Variants in GALNT7 observed in about 807,000 individuals in gnomAD.
GALNT7 encodes N-acetylgalactosaminyltransferase 7.
GALNT7 carries 60 observed loss-of-function variants against 82.1 expected under a neutral mutation model. The ratio of observed to expected loss-of-function variants is 0.73; its 90% CI spans 0.59 to 0.91. The LOEUF is 0.91. GALNT7 is among the 40% of genes least tolerant of loss of function. The pLI is 0.00. For missense variants in GALNT7, 660 were observed against 804.2 expected (o/e 0.82, Z 2.17); for synonymous variants, 243 against 275.1 (o/e 0.88, Z 1.15).
chr4:173,279,617 A>G (rs1340513959), intron 2 of GALNT7, among the ~76,000 whole-genome samples: 1 of 152,182 alleles, frequency 6.6e-6, no homozygotes, highest in Non-Finnish European at 1.5e-5. Flanking sequence ...ACTTCCTTTT[A>G]TGATGAAAAT....
intron 1 of GALNT7, among the ~76,000 whole-genome samples, chr4:173,231,445 G>T (rs1005623695): frequency 2.0e-5 from 3 of 152,120 alleles, no homozygotes; most frequent in Non-Finnish European, 4.4e-5. Flanking sequence ...GTTTAGCATT[G>T]TGGCCACCAG....
Position 173,320,235 on chromosome 4 carries a change from TA to T in GALNT7, c.1837-1340del, listed in dbSNP as rs1290832766. ...GTCCTCTGGATTCCCTTTACACTCTTAAAAATTTTTGAGCTCCCCCACCCCC... is the reference window on the plus strand; with the variant it reads ...GTCCTCTGGATTCCCTTTACACTCTTAAAATTTTTGAGCTCCCCCACCCCC... On this transcript the variant is annotated intron_variant, in intron 11 of 11. Transcript: ENST00000265000. This position sits in a 1 kb window ranked among gnomAD's most constrained non-coding sequence, Gnocchi z 4.1. Among the ~76,000 whole-genome samples the T allele has an allele frequency of 6.6e-6, 1 of 152,034 alleles. No homozygotes were observed. The highest frequency in any genetic ancestry group is 1.5e-5 in the Non-Finnish European group (1 of 67,978).
At chr4:173,215,878 G>A (rs961212894) in intron 1 of GALNT7, among the ~76,000 whole-genome samples, 1 of 152,202 alleles carries the variant, frequency 6.6e-6, no homozygotes, top group African/African-American at 2.4e-5. Flanking sequence ...GGGAGGCCAA[G>A]GCGGCAGATT....
At chr4:173,254,628 C>T (rs1401898730) in intron 2 of GALNT7, among the ~76,000 whole-genome samples, 2 of 152,158 alleles carry the variant, frequency 1.3e-5, no homozygotes, top group East Asian at 3.8e-4. Context: ...GGTATTTGTA[C>T]TTTGCCCTAG....
At chr4:173,217,302 C>T (rs371920738) in intron 1 of GALNT7, among the ~76,000 whole-genome samples, 13 of 152,146 alleles carry the variant, frequency 8.5e-5, no homozygotes, top group East Asian at 7.7e-4. Context: ...AAGGGTGTGT[C>T]GCTTGTTCAT....
At chr4:173,224,275 C>T (rs1293254986) in intron 1 of GALNT7, among the ~76,000 whole-genome samples, 3 of 152,094 alleles carry the variant, frequency 2.0e-5, no homozygotes, top group Non-Finnish European at 2.9e-5. Flanking sequence ...TCGAGTAGAT[C>T]TCACCATATC....
intron 1 of GALNT7, among the ~76,000 whole-genome samples, chr4:173,182,912 AG>A (rs1372551282): frequency 1.4e-5 from 2 of 138,288 alleles, no homozygotes; most frequent in Admixed American, 7.2e-5. Flanking sequence ...TGAGGCTAGC[AG>A]GTTACTCATA....
At chr4:173,281,420 T>C (rs1736103950) in intron 2 of GALNT7, among the ~76,000 whole-genome samples, 1 of 152,144 alleles carries the variant, frequency 6.6e-6, no homozygotes, top group Admixed American at 6.5e-5. Context: ...GCCTGTCGTG[T>C]CTTAAGCCTT....
intron 8 of GALNT7, among the ~76,000 whole-genome samples, chr4:173,313,078 A>T (rs1386348256): frequency 1.3e-5 from 2 of 152,004 alleles, no homozygotes; most frequent in Admixed American, 6.6e-5. Context: ...TATTTTTTTT[A>T]AATTAAAGAA....
chr4:173,268,754 T>C (rs954217143), intron 2 of GALNT7, among the ~76,000 whole-genome samples: 1 of 151,508 alleles, frequency 6.6e-6, no homozygotes, highest in African/African-American at 2.4e-5. Context: ...TTAGCCAGGA[T>C]GGTCTCAATC....
intron 10 of GALNT7, 150 bp downstream of exon 10, chr4:173,317,882 T>C (rs1737666732): frequency 1.6e-6 from 1 of 608,032 alleles, no homozygotes; most frequent in Non-Finnish European, 3.0e-6. Context: ...ATTGACAGTG[T>C]TAAAACATTC....
intron 4 of GALNT7, 115 bp downstream of exon 4, chr4:173,295,641 G>A (rs1226541950): frequency 8.5e-7 from 1 of 1,173,518 alleles, no homozygotes; most frequent in Non-Finnish European, 1.3e-6. Flanking sequence ...GGCTTAAACA[G>A]ATAACTTATG....
In GALNT7 at chr4:173,286,286, A is replaced by G. The variant is rs556704456; in HGVS notation, c.588-5822A>G. The stretch of plus-strand genomic sequence containing the variant: ...GGGAGAAAATGGCTCGGCTCTAGCA[A>G]GGGCAGGTTTTCCTCTGGACCACAG... On this transcript the variant is annotated intron_variant, in intron 2 of 11. Coordinates refer to ENST00000265000, the MANE Select transcript of GALNT7 (RefSeq NM_017423.3). Among the ~76,000 whole-genome samples the G allele has an allele frequency of 2.0e-4, 30 of 152,348 alleles. No homozygotes were observed. In the South Asian group the frequency reaches 4.6e-3, roughly 23 times the overall value.
intron 1 of GALNT7, among the ~76,000 whole-genome samples, chr4:173,182,031 G>A (rs950267993): frequency 6.6e-5 from 10 of 152,142 alleles, no homozygotes; most frequent in African/African-American, 9.7e-5. Context: ...CTTGACCACC[G>A]CTCTGTTAAC....
At chr4:173,269,735 C>A (rs999208089) in intron 2 of GALNT7, among the ~76,000 whole-genome samples, 1 of 152,204 alleles carries the variant, frequency 6.6e-6, no homozygotes, top group Admixed American at 6.5e-5. Context: ...TCCTCCTCCT[C>A]CTCCTCAACA....
chr4:173,213,928 A>G (rs1179057713), intron 1 of GALNT7, among the ~76,000 whole-genome samples: 2 of 151,984 alleles, frequency 1.3e-5, no homozygotes, highest in African/African-American at 4.8e-5. Flanking sequence ...TTTTTATAGC[A>G]CCTTTGATTT....
At chr4:173,291,543 T>G (rs576279413) in intron 2 of GALNT7, among the ~76,000 whole-genome samples, 46 of 152,342 alleles carry the variant, frequency 3.0e-4, no homozygotes, top group African/African-American at 1.1e-3. Context: ...GTAGAACAAC[T>G]AAGCTCTTTA....
At chr4:173,290,348 T>C (rs1736488756) in intron 2 of GALNT7, among the ~76,000 whole-genome samples, 1 of 152,248 alleles carries the variant, frequency 6.6e-6, no homozygotes, top group Admixed American at 6.5e-5. Context: ...GTAAGTCTTA[T>C]ACATGCTCAC....
At chr4:173,223,478 G>GTAATAA (rs76314905) in intron 1 of GALNT7, among the ~76,000 whole-genome samples, 106,946 of 151,144 alleles carry the variant, frequency 0.71, 39,447 homozygotes, top group East Asian at 0.88. Context: ...TAACTATTCA[G>GTAATAA]TAATGTTACT....
Sources: gnomAD v4.1 joint callset for allele counts (sites outside exome capture counted in the v4.1 genomes callset) on GRCh38, gnomAD v4.1.1 for gene constraint, Gnocchi (gnomAD v3.1) non-coding constraint, MANE v1.5 for transcripts, NCBI Gene and HGNC (gene_info 2026-07-23, HGNC 2026-07-21) for gene names.